Variants in BUD13 observed in about 807,000 individuals in gnomAD.
BUD13 encodes the protein BUD13 spliceosome associated protein, also known as BUD13 homolog.
Under a neutral mutation model 62.5 loss-of-function variants are expected in BUD13, and 47 were observed. The ratio of observed to expected loss-of-function variants is 0.75; its 90% confidence interval spans 0.60 to 0.96. BUD13 has a LOEUF of 0.96. Ranked by LOEUF, BUD13 falls within the 40% of genes least tolerant of loss-of-function variation. BUD13 has a pLI of 0.00. For missense variants in BUD13, 821 were observed against 790.9 expected, an observed-to-expected ratio of 1.04 and a Z score of -0.46; for synonymous variants, 293 against 280.1, an observed-to-expected ratio of 1.05 and a Z score of -0.46.
intron 9 of BUD13, among the ~76,000 whole-genome samples, chr11:116,749,846 C>A (rs536916298): frequency 6.6e-6 from 1 of 151,928 alleles, no homozygotes. Flanking sequence ...TAAAGAGGGA[C>A]GGAAGAGAGA....
chr11:116,754,663 T>C (rs1940294876), intron 9 of BUD13, among the ~76,000 whole-genome samples: 1 of 152,226 alleles, frequency 6.6e-6, no homozygotes, highest in African/African-American at 2.4e-5. Context: ...CTAAATGTTT[T>C]CTTCCTGAGA....
intron 9 of BUD13, among the ~76,000 whole-genome samples, chr11:116,753,009 T>C (rs1372730536): frequency 1.3e-5 from 2 of 152,058 alleles, no homozygotes; most frequent in Non-Finnish European, 2.9e-5. Context: ...ATTCTAGACA[T>C]TGCAGAGTAA....
chr11:116,756,443 C>A (rs563522820), intron 9 of BUD13, among the ~76,000 whole-genome samples: 30 of 151,246 alleles, frequency 2.0e-4, no homozygotes, highest in African/African-American at 7.1e-4. Flanking sequence ...ACCCAGGAGG[C>A]AGAGGTTGCA....
At chr11:116,770,555 C>T (rs1940608728) in intron 1 of BUD13, among the ~76,000 whole-genome samples, 1 of 150,978 alleles carries the variant, frequency 6.6e-6, no homozygotes, top group African/African-American at 2.4e-5. Flanking sequence ...AGTGCAGTGG[C>T]ACGATCTCAG....
intron 3 of BUD13, 39 bp from the exon 4 acceptor site, chr11:116,763,305 C>T: frequency 6.7e-7 from 1 of 1,489,790 alleles, no homozygotes; most frequent in Non-Finnish European, 9.0e-7. Context: ...CCCACAAATG[C>T]TCTGTCCCTC....
At chr11:116,750,515 A>ACTC (rs1940214533) in intron 9 of BUD13, among the ~76,000 whole-genome samples, 1 of 151,196 alleles carries the variant, frequency 6.6e-6, no homozygotes, top group Non-Finnish European at 1.5e-5. Context: ...AAATCCAATG[A>ACTC]CTCCTCCTTC....
Position 116,760,978 on chromosome 11 carries a change from G to A in BUD13, c.1037-26C>T, listed in dbSNP as rs1281296094. On this transcript the variant is annotated intron_variant, in intron 4 of 9. Transcript: ENST00000260210. Reference sequence around the variant, plus strand: ...CTGGATAGGAGCAAAGAATCTGTGTGACTCTGATGTCCTCTAGGTGAAGAA... The same window carrying A: ...CTGGATAGGAGCAAAGAATCTGTGTAACTCTGATGTCCTCTAGGTGAAGAA... 4 of 1,593,292 alleles carry A rather than the reference G, an allele frequency of 2.5e-6. No individual in the cohort carries two copies. The East Asian group carries it at 8.9e-5, about 36-fold the overall frequency.
In BUD13 at chr11:116,749,660, C is replaced by T. The variant is rs189700728; in HGVS notation, c.1767-1085G>A. Among the ~76,000 whole-genome samples, 17 of 152,256 alleles carry T rather than the reference C, an allele frequency of 1.1e-4. No individual in the cohort carries two copies. The East Asian group carries it at 2.1e-3, about 19-fold the overall frequency. On this transcript the variant is annotated intron_variant, in intron 9 of 9. Transcript: ENST00000260210. ...CAGCCATGAGTCAAAGTTGGAAAGG[C>T]GCAGAGGCCAATGCATAATGAGCTG...
intron 2 of BUD13, among the ~76,000 whole-genome samples, chr11:116,767,909 G>T (rs1334997680): frequency 1.3e-5 from 2 of 151,112 alleles, no homozygotes; most frequent in Non-Finnish European, 2.9e-5. Context: ...GAAGGTAGAG[G>T]CTACAATGGG....
chr11:116,751,246 G>A (rs1940226930), intron 9 of BUD13, among the ~76,000 whole-genome samples: 1 of 152,200 alleles, frequency 6.6e-6, no homozygotes, highest in African/African-American at 2.4e-5. Context: ...GGAATCCCTA[G>A]TACCTACTAC....
At chr11:116,765,518 G>C (rs982082006) in intron 2 of BUD13, 72 bp from the exon 3 acceptor site, 18 of 1,539,088 alleles carry the variant, frequency 1.2e-5, no homozygotes, top group Non-Finnish European at 1.6e-5. Flanking sequence ...TCAAGAACCT[G>C]AAGTTACAAC....
In BUD13 at chr11:116,748,272, C is replaced by T; in HGVS notation, c.*210G>A. 2.1e-6 allele frequency: 1 copy of T among 486,858 alleles called. No individual in the cohort carries two copies. The highest frequency in any genetic ancestry group is 3.7e-6 in the Non-Finnish European group (1 of 273,878). 30.2% of individuals were successfully genotyped at this position (486,858 alleles called of 1,614,324 possible). A position where few individuals can be genotyped will look rare whatever the true frequency, so the allele number is the denominator to read the frequency against. On this transcript the variant is annotated 3_prime_UTR_variant, in exon 10 of 10. Coordinates refer to ENST00000260210, the MANE Select transcript of BUD13 (RefSeq NM_032725.4). Reference sequence around the variant, plus strand: ...AGAAATCAATGCTTCCTCTGAAAGCCAGCAACAGCCGGTGCTGTCACACCC... The same window carrying T: ...AGAAATCAATGCTTCCTCTGAAAGCTAGCAACAGCCGGTGCTGTCACACCC...
Position 116,772,878 on chromosome 11 carries a change from C to T in BUD13, c.87G>A (p.Glu29=). The T allele has an allele frequency of 5.7e-6, 9 of 1,592,220 alleles. No individual in the cohort carries two copies. Among genetic ancestry groups the T allele is most frequent in the Non-Finnish European group, 7.7e-6 (9 of 1,170,552 alleles). ...GADAGVDRGS[E]SGRKRRKKRP... is the part of the protein sequence containing the mutation. ...GCTTTTTGCGACGCTTGCGACCGGA[C>T]TCAGATCCCCGGTCGACGCCGGCAT... is the stretch of plus-strand genomic sequence containing the variant. Residue 29 remains glutamate, a synonymous_variant, in exon 1 of 10, where the codon GAG becomes GAA. Coordinates refer to ENST00000260210, the MANE Select transcript of BUD13 (RefSeq NM_032725.4).
intron 2 of BUD13, among the ~76,000 whole-genome samples, chr11:116,766,775 T>C (rs1283886017): frequency 6.6e-6 from 1 of 152,212 alleles, no homozygotes; most frequent in East Asian, 1.9e-4. Flanking sequence ...GTGGTGGTGA[T>C]CTTGCAGTTA....
chr11:116,772,749 C>T (rs578205892), intron 1 of BUD13, 73 bp downstream of exon 1: 154 of 1,426,250 alleles, frequency 1.1e-4, no homozygotes, highest in Middle Eastern at 5.0e-4. Flanking sequence ...AAGGAACTGC[C>T]GGGCGGCCGA....
intron 3 of BUD13, among the ~76,000 whole-genome samples, chr11:116,764,544 TCA>T (rs1940495420): frequency 1.3e-5 from 2 of 152,070 alleles, no homozygotes; most frequent in Admixed American, 1.3e-4. Flanking sequence ...TTCTAAACAT[TCA>T]GATACACAAG....
intron 2 of BUD13, among the ~76,000 whole-genome samples, chr11:116,767,269 A>C (rs1145208): frequency 0.34 from 52,014 of 151,426 alleles, 9,784 homozygotes; most frequent in Non-Finnish European, 0.44. Context: ...AGCCTAATGA[A>C]CATATAAAAA....
chr11:116,767,617 CTG>C (rs1442539824), intron 2 of BUD13, among the ~76,000 whole-genome samples: 1 of 132,972 alleles, frequency 7.5e-6, no homozygotes, highest in Non-Finnish European at 1.6e-5. Context: ...AAAAAAGAAA[CTG>C]GATACCATTA....
In BUD13 at chr11:116,758,295, A is replaced by C. The variant is rs1565312497; in HGVS notation, c.1473T>G (p.Asp491Glu). Residue 491 changes from aspartate (D) to glutamate (E), a missense_variant, in exon 7 of 10, where the codon GAT becomes GAG. Asp to Glu is a conservative substitution (Grantham distance 45). Coordinates refer to ENST00000260210, the MANE Select transcript of BUD13 (RefSeq NM_032725.4). ...RRKAEKDSERDELYAQWGKGL... is the reference protein window; with the variant it reads ...RRKAEKDSEREELYAQWGKGL... Reference sequence around the variant, plus strand: ...CTTTTCCCCACTGGGCATACAGCTCATCTCTCTCTGAGTCCTTTTCTGCTT... The same window carrying C: ...CTTTTCCCCACTGGGCATACAGCTCCTCTCTCTCTGAGTCCTTTTCTGCTT... 2 of 1,614,110 alleles carry C rather than the reference A, an allele frequency of 1.2e-6. 1 individual carries two copies.
Sources: allele counts gnomAD v4.1 joint callset (sites outside exome capture counted in the v4.1 genomes callset), GRCh38; gene constraint gnomAD v4.1.1; transcripts MANE v1.5; gene names NCBI Gene and HGNC (gene_info 2026-07-23, HGNC 2026-07-21).